The following NTM variants were observed in gnomAD, a reference collection of about 807,000 sequenced individuals.
NTM encodes neurotrimin, also known as IgLON family member 2.
A neutral mutation model predicts 42.1 loss-of-function variants in NTM; 13 were observed. That is an observed-to-expected ratio of 0.31 (90% CI 0.20 to 0.49). The LOEUF (loss-of-function observed/expected upper bound fraction) is 0.49. Ranked by LOEUF, NTM falls within the 20% of genes least tolerant of loss-of-function variation. The pLI is 0.99. For missense variants in NTM, 373 were observed against 452.8 expected, an observed-to-expected ratio of 0.82 and a Z score of 1.60; for synonymous variants, 187 against 179.2, an observed-to-expected ratio of 1.04 and a Z score of -0.35.
At chr11:131,957,567 C>T (rs777925376) in intron 2 of NTM, among the ~76,000 whole-genome samples, 119 of 152,352 alleles carry the variant, frequency 7.8e-4, no homozygotes, top group Non-Finnish European at 4.1e-4. Flanking sequence ...CCCTGCAGCC[C>T]AACCGTTACC....
At chr11:131,816,372 A>G (rs1265763543) in intron 1 of NTM, among the ~76,000 whole-genome samples, 1 of 152,066 alleles carries the variant, frequency 6.6e-6, no homozygotes, top group Non-Finnish European at 1.5e-5. Context: ...TAGATTACCT[A>G]CCATCGTAGT....
chr11:132,267,782 C>T (rs1256384797), intron 4 of NTM, among the ~76,000 whole-genome samples: 4 of 151,006 alleles, frequency 2.6e-5, no homozygotes, highest in Non-Finnish European at 4.4e-5. Flanking sequence ...GCAGATGTTG[C>T]AGCGAGCCGA....
At chr11:131,699,155 G>A (rs909680344) in intron 1 of NTM, among the ~76,000 whole-genome samples, 15 of 152,212 alleles carry the variant, frequency 9.9e-5, no homozygotes, top group East Asian at 5.8e-4. Flanking sequence ...CATTGGACAA[G>A]GAGGGATCTA....
At chr11:131,411,540 C>CGT (rs5795724) in intron 1 of NTM, among the ~76,000 whole-genome samples, 5,630 of 129,692 alleles carry the variant, frequency 0.043, 366 homozygotes, top group East Asian at 0.24. Context: ...TAGGGGGGGC[C>CGT]GTGTGTGTGT....
intron 1 of NTM, among the ~76,000 whole-genome samples, chr11:131,647,354 G>A (rs2739278): frequency 6.6e-6 from 1 of 152,094 alleles, no homozygotes; most frequent in Non-Finnish European, 1.5e-5. Flanking sequence ...AGAGTGCCAG[G>A]CATGGAACAG....
intron 1 of NTM, among the ~76,000 whole-genome samples, chr11:131,817,104 T>C (rs1396770648): frequency 6.6e-6 from 1 of 152,194 alleles, no homozygotes; most frequent in African/African-American, 2.4e-5. Flanking sequence ...CTAATTTTGG[T>C]TTGGCTGGGT....
intron 1 of NTM, among the ~76,000 whole-genome samples, chr11:131,374,736 C>A (rs761131238): frequency 6.6e-6 from 1 of 152,112 alleles, no homozygotes; most frequent in Non-Finnish European, 1.5e-5. Context: ...TGATTTTAGC[C>A]AAAACTTGTC....
chr11:131,526,274 G>A (rs2050466407), intron 1 of NTM, among the ~76,000 whole-genome samples: 1 of 152,198 alleles, frequency 6.6e-6, no homozygotes, highest in Non-Finnish European at 1.5e-5. Flanking sequence ...ACCCTAAATT[G>A]AGGCACAGGT....
intron 2 of NTM, among the ~76,000 whole-genome samples, chr11:132,124,592 C>T (rs145882836): frequency 3.3e-4 from 51 of 152,348 alleles, no homozygotes; most frequent in African/African-American, 1.1e-3. Context: ...GGAAATTGTT[C>T]TGAATATTTT....
intron 2 of NTM, among the ~76,000 whole-genome samples, chr11:132,012,481 A>G (rs903860817): frequency 2.6e-5 from 4 of 152,182 alleles, no homozygotes; most frequent in African/African-American, 9.6e-5. Flanking sequence ...CCCCTTGGTT[A>G]AACAGACGTC....
chr11:131,923,784 G>C (rs2057556164), intron 2 of NTM, among the ~76,000 whole-genome samples: 1 of 152,190 alleles, frequency 6.6e-6, no homozygotes, highest in Non-Finnish European at 1.5e-5. Flanking sequence ...TCTTTATTAA[G>C]AGAATTGTAC....
chr11:131,506,351 G>A (rs146617829), intron 1 of NTM, among the ~76,000 whole-genome samples: 130 of 152,300 alleles, frequency 8.5e-4, no homozygotes, highest in African/African-American at 2.5e-3. Flanking sequence ...CCAAATGCTG[G>A]TGCCCGAATA....
intron 2 of NTM, among the ~76,000 whole-genome samples, chr11:131,914,538 A>C (rs2055941260): frequency 6.6e-6 from 1 of 152,192 alleles, no homozygotes; most frequent in African/African-American, 2.4e-5. Context: ...TCATATTTTG[A>C]GGATCTTTTG....
At chr11:132,256,889 TTGTC>T (rs972447236) in intron 4 of NTM, among the ~76,000 whole-genome samples, 12 of 152,146 alleles carry the variant, frequency 7.9e-5, no homozygotes, top group Non-Finnish European at 8.8e-5. Flanking sequence ...ATGTGTGTGT[TTGTC>T]TGGCTGCATT....
At chr11:131,534,985 G>A (rs2051924295) in intron 1 of NTM, 1 of 152,220 alleles carries the variant, frequency 6.6e-6, no homozygotes, top group African/African-American at 2.4e-5. Context: ...CTTGCAGGCA[G>A]GTTTGCTCTG....
chr11:132,176,645 T>G lies in NTM; in HGVS notation c.400+30131T>G, dbSNP rs140805725. Among the ~76,000 whole-genome samples the G allele has an allele frequency of 2.3e-3, 353 of 151,980 alleles. 2 individuals carry two copies. The highest frequency in any genetic ancestry group is 8.2e-3 in the African/African-American group (339 of 41,508). ...TTATGCTTGACATGTGTTATTATAT[T>G]CATATATTTCTTAGTATTCTGGGGG... is the stretch of plus-strand genomic sequence containing the variant. On this transcript the variant is annotated intron_variant, in intron 3 of 8. Transcript: ENST00000683400.
In NTM at chr11:132,146,652, G is replaced by T; in HGVS notation, c.400+138G>T. 1.2e-6 allele frequency: 1 copy of T among 856,460 alleles called. No individual in the cohort carries two copies. Among genetic ancestry groups the T allele is most frequent in the Non-Finnish European group, 1.7e-6 (1 of 588,126 alleles). 53.1% of individuals were successfully genotyped at this position (856,460 alleles called of 1,614,324 possible). ...TGGGGTCCAGGGCACATTTCTGGTT[G>T]TCATTTTGCAGTTAGAAGCTAAATT... On this transcript the variant is annotated intron_variant, in intron 3 of 8. Coordinates refer to ENST00000683400, the MANE Select transcript of NTM (RefSeq NM_001352005.2). This position sits in a 1 kb window ranked among gnomAD's most constrained non-coding sequence, Gnocchi z 4.5.
intron 1 of NTM, among the ~76,000 whole-genome samples, chr11:131,551,437 G>T (rs1213239524): frequency 6.8e-6 from 1 of 147,330 alleles, no homozygotes; most frequent in South Asian, 2.1e-4. Context: ...AAAAAAAAAC[G>T]CACGATTGCA....
At chr11:132,131,299 G>A (rs561202876) in intron 2 of NTM, among the ~76,000 whole-genome samples, 1 of 152,236 alleles carries the variant, frequency 6.6e-6, no homozygotes, top group East Asian at 1.9e-4. Flanking sequence ...AGAGACACCT[G>A]GTTTAGGACA....
Sources: allele counts gnomAD v4.1 joint callset (sites outside exome capture counted in the v4.1 genomes callset), GRCh38; gene constraint gnomAD v4.1.1; non-coding constraint Gnocchi (gnomAD v3.1); transcripts MANE v1.5; gene names NCBI Gene and HGNC (gene_info 2026-07-23, HGNC 2026-07-21).